Variants in ESCO2 observed in about 807,000 individuals in gnomAD.
ESCO2 encodes the protein establishment of sister chromatid cohesion N-acetyltransferase 2.
Under a neutral mutation model 61.7 loss-of-function variants are expected in ESCO2, and 51 were observed. The ratio of observed to expected loss-of-function variants is 0.83; its 90% CI spans 0.66 to 1.04. The LOEUF is 1.04. Among genes scored for constraint, ESCO2 ranks in the 50% least tolerant of loss-of-function variants. The probability of loss-of-function intolerance (pLI) is 0.00; values close to 1 mark genes in which losing one functional copy is unlikely to be tolerated. For synonymous variants in ESCO2, 230 were observed against 238.2 expected (o/e 0.97, Z 0.32); for missense variants, 692 against 686.2 (o/e 1.01, Z -0.09).
At position 27,793,478 on chromosome 8, in the gene ESCO2, TG is replaced by T. The variant is rs1186378856; in HGVS notation, c.1497+668del. ...CTCTCCTTGCAATTTTCTTTTTCTT[TG>T]TTTTTTTTTTTTTTTTTCTTTTTTT... On this transcript the variant is annotated intron_variant, in intron 9 of 10. Coordinates refer to ENST00000305188, the MANE Select transcript of ESCO2 (RefSeq NM_001017420.3). Among the ~76,000 whole-genome samples the T allele has an allele frequency of 7.8e-4, 88 of 112,128 alleles. 1 individual carries two copies. Among genetic ancestry groups the T allele is most frequent in the Middle Eastern group, 5.2e-3 (1 of 192 alleles). 73.6% of individuals were successfully genotyped at this position (112,128 alleles called of 152,430 possible). A position where few individuals can be genotyped will look rare whatever the true frequency, so the allele number is the denominator to read the frequency against.
At chr8:27,806,087 C>T (rs1805556659), downstream of ESCO2, among the ~76,000 whole-genome samples, 1 of 152,104 alleles carries the variant, frequency 6.6e-6, no homozygotes, top group Non-Finnish European at 1.5e-5. Flanking sequence ...AGTTTGTTAC[C>T]AAAAATATTG....
rs1219043201 is a variant in ESCO2 at position 27,805,030 on chromosome 8, C to T, written c.*1592C>T. On this transcript the variant is annotated 3_prime_UTR_variant, in exon 11 of 11. Transcript: ENST00000305188. ...GGGCGCGGTGGCTCACGCCTGTAAT[C>T]CCAGCACTTTGGGAGGCCGAGGCGG... 1 of 133,514 alleles carries T rather than the reference C, an allele frequency of 7.5e-6. No individual in the cohort carries two copies. Among genetic ancestry groups the T allele is most frequent in the Non-Finnish European group, 1.3e-5 (1 of 78,374 alleles). The allele number at this position is 133,514 out of a possible 1,614,324, so 8.3% of individuals were successfully genotyped here. A position where few individuals can be genotyped will look rare whatever the true frequency, so the allele number is the denominator to read the frequency against.
At chr8:27,799,850 G>A (rs189055081) in intron 10 of ESCO2, 134 bp downstream of exon 10, 4 of 1,091,870 alleles carry the variant, frequency 3.7e-6, no homozygotes, top group Admixed American at 2.0e-5. Context: ...GGCTAAGGAA[G>A]GTATTGGTAC....
downstream of ESCO2, among the ~76,000 whole-genome samples, chr8:27,815,709 G>A (rs968436444): frequency 2.6e-5 from 4 of 152,128 alleles, no homozygotes; most frequent in Non-Finnish European, 5.9e-5. Context: ...CTAAAATAAC[G>A]GCTCCAATTT....
In ESCO2 at chr8:27,776,676, C is replaced by T. The variant is rs1054147703; in HGVS notation, c.368C>T (p.Thr123Ile). 2 of 1,613,434 alleles carry T rather than the reference C, an allele frequency of 1.2e-6. No individual in the cohort carries two copies. Among genetic ancestry groups the T allele is most frequent in the African/African-American group, 2.7e-5 (2 of 74,824 alleles). Residue 123 changes from threonine (T) to isoleucine (I), a missense_variant, in exon 3 of 11, where the codon ACA becomes ATA. By Grantham distance (89) the Thr-to-Ile change is moderately conservative. Transcript: ENST00000305188. ...NDEDKSFPIV[T>I]EKMQGKPVCS... The stretch of plus-strand genomic sequence containing the variant: ...GAAGATAAATCTTTTCCCATTGTGA[C>T]AGAAAAAATGCAAGGAAAACCAGTC...
rs778925521 is a variant in ESCO2 at position 27,776,707 on chromosome 8, C to T, written c.399C>T (p.Ser133=). The T allele has an allele frequency of 6.2e-7, 1 of 1,613,708 alleles. No homozygotes were observed. The change falls in exon 3 of 11, where the codon TCC becomes TCT. Residue 133 remains serine (S), a synonymous_variant. Coordinates refer to ENST00000305188, the MANE Select transcript of ESCO2 (RefSeq NM_001017420.3). ...AAATGCAAGGAAAACCAGTCTGCTC[C>T]AAGAAGAACAACAAAAAACCACAGA... ...TEKMQGKPVC[S]KKNNKKPQKS...
chr8:27,793,254 T>C (rs1373227594), intron 9 of ESCO2, among the ~76,000 whole-genome samples: 1 of 152,198 alleles, frequency 6.6e-6, no homozygotes, highest in African/African-American at 2.4e-5. Flanking sequence ...CTTTTTTGTA[T>C]TTTTGCCAGT....
At chr8:27,781,674 C>T (rs1804932216) in intron 4 of ESCO2, among the ~76,000 whole-genome samples, 1 of 151,884 alleles carries the variant, frequency 6.6e-6, no homozygotes, top group African/African-American at 2.4e-5. Context: ...ATTTCTCCCG[C>T]CTCAGCCTCC....
At chr8:27,792,866 AG>A in intron 9 of ESCO2, 55 bp downstream of exon 9, 2 of 1,522,220 alleles carry the variant, frequency 1.3e-6, no homozygotes, top group Non-Finnish European at 1.8e-6. Flanking sequence ...AATAAAGAAA[AG>A]TTGGGAGAAG....
At chr8:27,812,197 C>T (rs932608394), downstream of ESCO2, 3 of 152,122 alleles carry the variant, frequency 2.0e-5, no homozygotes, top group African/African-American at 7.2e-5. Flanking sequence ...CAGCCTTTTT[C>T]AAGCTAAGAT....
At chr8:27,779,453 T>C (rs1804874030) in intron 3 of ESCO2, 1 of 152,216 alleles carries the variant, frequency 6.6e-6, no homozygotes, top group African/African-American at 2.4e-5. Flanking sequence ...CCTGCTACTC[T>C]CCAGTGACTC....
chr8:27,787,763 A>C (rs1805078609), intron 5 of ESCO2, 122 bp from the exon 6 acceptor site: 1 of 735,470 alleles, frequency 1.4e-6, no homozygotes, highest in Non-Finnish European at 2.4e-6. Flanking sequence ...TTATTACTTC[A>C]TCAAGTTAAT....
chr8:27,789,649 C>T lies in ESCO2; in HGVS notation c.1263+671C>T, dbSNP rs184814286. On this transcript the variant is annotated intron_variant, in intron 7 of 10. Transcript: ENST00000305188. ...ACAAAAAATTAGCCAGGCGTGGTGGCGGGTGCCTGTAATCCCAGCTACTCG... is the reference window on the plus strand; with the variant it reads ...ACAAAAAATTAGCCAGGCGTGGTGGTGGGTGCCTGTAATCCCAGCTACTCG... Among the ~76,000 whole-genome samples the T allele has an allele frequency of 1.3e-3, 192 of 151,972 alleles. 2 individuals are homozygous for T. The Middle Eastern group carries it at 0.037, about 30-fold the overall frequency.
chr8:27,786,487 C>T (rs1024883817), intron 5 of ESCO2, among the ~76,000 whole-genome samples: 1 of 152,196 alleles, frequency 6.6e-6, no homozygotes, highest in Non-Finnish European at 1.5e-5. Context: ...TGTCAGTTTG[C>T]CAACAACCTG....
chr8:27,810,451 A>G (rs777244902), downstream of ESCO2: 3 of 1,610,984 alleles, frequency 1.9e-6, no homozygotes, highest in South Asian at 1.1e-5. Context: ...CTAGTTCCCA[A>G]CGCTGCATAG....
At chr8:27,775,016 G>T (rs1804754899) in intron 1 of ESCO2, among the ~76,000 whole-genome samples, 1 of 152,176 alleles carries the variant, frequency 6.6e-6, no homozygotes, top group Non-Finnish European at 1.5e-5. Context: ...CTGCTTTGGG[G>T]GGAATTTCCC....
chr8:27,815,005 T>C (rs990258659), downstream of ESCO2, among the ~76,000 whole-genome samples: 4 of 152,226 alleles, frequency 2.6e-5, no homozygotes, highest in Admixed American at 1.3e-4. Flanking sequence ...TTGATTACTA[T>C]AATCTGCATT....
intron 9 of ESCO2, among the ~76,000 whole-genome samples, chr8:27,797,509 A>C (rs1805327436): frequency 6.6e-6 from 1 of 151,930 alleles, no homozygotes; most frequent in African/African-American, 2.4e-5. Context: ...TTATCCATTT[A>C]GCCACTCTGT....
upstream of ESCO2, chr8:27,772,624 G>C (rs1804674081): frequency 3.5e-6 from 5 of 1,413,434 alleles, no homozygotes; most frequent in African/African-American, 2.8e-5. Context: ...CGCGGCGGCC[G>C]CCTGGCCCCC....
Sources: allele counts gnomAD v4.1 joint callset (sites outside exome capture counted in the v4.1 genomes callset), GRCh38; gene constraint gnomAD v4.1.1; transcripts MANE v1.5; gene names NCBI Gene and HGNC (gene_info 2026-07-23, HGNC 2026-07-21).